The following VPS45 variants were observed in gnomAD, a reference collection of about 807,000 sequenced individuals.
VPS45 encodes vacuolar protein sorting-associated protein 45.
A neutral mutation model predicts 75.9 loss-of-function variants in VPS45; 35 were observed. The ratio of observed to expected loss-of-function variants is 0.46; its 90% CI spans 0.35 to 0.61. VPS45 has a LOEUF of 0.61. Among genes scored for constraint, VPS45 ranks in the 20% least tolerant of loss-of-function variants. The pLI, the probability that VPS45 is intolerant of heterozygous loss-of-function variation, is 0.00. For synonymous variants in VPS45, 220 were observed against 238.2 expected (o/e 0.92, Z 0.70); for missense variants, 559 against 685.9 (o/e 0.81, Z 2.07).
chr1:150,069,012 C>G (rs1553796444), intron 2 of VPS45, among the ~76,000 whole-genome samples: 1 of 152,180 alleles, frequency 6.6e-6, no homozygotes, highest in Non-Finnish European at 1.5e-5. Flanking sequence ...ATGAACTACT[C>G]TTAACGGAGA....
At chr1:150,090,536 A>G (rs2101561976) in intron 10 of VPS45, among the ~76,000 whole-genome samples, 1 of 151,916 alleles carries the variant, frequency 6.6e-6, no homozygotes, top group East Asian at 1.9e-4. Context: ...ACATGACTAT[A>G]GAAAGAAAGA....
chr1:150,105,005 C>A (rs1427080088), intron 13 of VPS45, among the ~76,000 whole-genome samples: 1 of 152,212 alleles, frequency 6.6e-6, no homozygotes, highest in Non-Finnish European at 1.5e-5. Context: ...GTTCTTTGAG[C>A]TAGTTCCATA....
chr1:150,135,080 T>G (rs1659006505), intron 14 of VPS45, among the ~76,000 whole-genome samples: 1 of 152,126 alleles, frequency 6.6e-6, no homozygotes, highest in Non-Finnish European at 1.5e-5. Flanking sequence ...TCTCAAAGAC[T>G]AATGGCACAA....
At chr1:150,102,794 CACTT>C (rs1657114306) in intron 13 of VPS45, among the ~76,000 whole-genome samples, 2 of 152,142 alleles carry the variant, frequency 1.3e-5, no homozygotes, top group African/African-American at 4.8e-5. Flanking sequence ...TGCATGTTCT[CACTT>C]ACAAGTTGGA....
rs1553802110 is a variant in VPS45, at chr1:150,092,343, A to G, written c.1305A>G (p.Arg435=). The change falls in exon 12 of 15, where the codon AGA becomes AGG. Residue 435 remains arginine, a synonymous_variant. Transcript: ENST00000644510. ...AVVEYGGKRV[R]GSDLFSPKDA... ...TTGAATATGGTGGTAAACGAGTCAG[A>G]GGAAGTGACCTCTTCAGCCCCAAAG... is the stretch of plus-strand genomic sequence containing the variant. 6.2e-7 allele frequency: 1 copy of G among 1,614,150 alleles called. No homozygotes were observed. Among genetic ancestry groups the G allele is most frequent in the East Asian group, 2.2e-5 (1 of 44,870 alleles).
At position 150,068,652 on chromosome 1, in the gene VPS45, A is replaced by G. The variant is rs1553796329; in HGVS notation, c.116A>G (p.Tyr39Cys). 3.1e-6 allele frequency: 5 copies of G among 1,609,510 alleles called. No homozygotes were observed. The highest frequency in any genetic ancestry group is 4.2e-6 in the Non-Finnish European group (5 of 1,177,938). Residue 39 changes from tyrosine (Y) to cysteine (C), a missense_variant, in exon 2 of 15, where the codon TAC (tyrosine) becomes TGC (cysteine). Physicochemically the swap from Tyr to Cys is radical, Grantham distance 194. Transcript: ENST00000644510. ...KETTGIVSMV[Y>C]TQSEILQKEV... is the part of the protein sequence containing the mutation. ...CAGACTGGCATAGTGAGTATGGTAT[A>G]CACACAATCGGAGATTCTACAGAAG...
At chr1:150,144,156 C>T (rs1559952856) in intron 14 of VPS45, among the ~76,000 whole-genome samples, 1 of 151,454 alleles carries the variant, frequency 6.6e-6, no homozygotes, top group African/African-American at 2.4e-5. Context: ...GCTCTGTTGC[C>T]CAGGTTGGTC....
intron 14 of VPS45, among the ~76,000 whole-genome samples, chr1:150,134,169 C>T (rs954459999): frequency 6.6e-6 from 1 of 152,108 alleles, no homozygotes; most frequent in Non-Finnish European, 1.5e-5. Flanking sequence ...TCAGTGTATT[C>T]CAAGACTTAT....
intron 4 of VPS45, chr1:150,076,712 T>G (rs1655405333): frequency 6.6e-6 from 4 of 609,208 alleles, no homozygotes; most frequent in Non-Finnish European, 1.1e-5. Context: ...TTTGTTAGAT[T>G]TATTATTATT....
At chr1:150,082,913 G>T in intron 10 of VPS45, 30 bp downstream of exon 10, 1 of 1,601,060 alleles carries the variant, frequency 6.2e-7, no homozygotes, top group Non-Finnish European at 8.5e-7. Flanking sequence ...CACCTACTAT[G>T]TGTAAGGCAC....
At position 150,091,936 on chromosome 1, in the gene VPS45, G is replaced by C; in HGVS notation, c.1105-1G>C. On this transcript the variant is annotated splice_acceptor_variant, in intron 10 of 14. Transcript: ENST00000644510. LOFTEE classifies it high-confidence loss of function. Reference sequence around the variant, plus strand: ...TAAATATAAGTTCTATCTTTCTTCAGAATATAAAAAGGCTTCTGCAGAACC... The same window carrying C: ...TAAATATAAGTTCTATCTTTCTTCACAATATAAAAAGGCTTCTGCAGAACC... 6.2e-7 allele frequency: 1 copy of C among 1,611,824 alleles called. No homozygotes were observed. Among genetic ancestry groups the C allele is most frequent in the Non-Finnish European group, 8.5e-7 (1 of 1,179,326 alleles).
chr1:150,119,939 T>A (rs1363382130), intron 14 of VPS45, among the ~76,000 whole-genome samples: 5 of 152,002 alleles, frequency 3.3e-5, no homozygotes, highest in African/African-American at 1.2e-4. Context: ...AGAAACCCCG[T>A]CTCTACTAAA....
chr1:150,092,504 TTG>T, intron 12 of VPS45, 95 bp downstream of exon 12: 1 of 1,032,946 alleles, frequency 9.7e-7, no homozygotes, highest in Non-Finnish European at 1.4e-6. Flanking sequence ...ATCTTGAAGA[TTG>T]CTGCTAATTT....
At chr1:150,118,052 G>A (rs587729285) in intron 14 of VPS45, among the ~76,000 whole-genome samples, 54 of 152,000 alleles carry the variant, frequency 3.6e-4, no homozygotes, top group South Asian at 1.2e-3. Flanking sequence ...GAAGGCCAAG[G>A]CAGGCATATC....
chr1:150,070,259 G>C (rs1371334945), intron 2 of VPS45, among the ~76,000 whole-genome samples: 2 of 152,050 alleles, frequency 1.3e-5, no homozygotes, highest in Non-Finnish European at 2.9e-5. Flanking sequence ...TATGATATCT[G>C]TTTTTTCTCA....
intron 1 of VPS45, chr1:150,068,250 C>T (rs781804020): frequency 1.8e-4 from 77 of 419,158 alleles, no homozygotes; most frequent in Admixed American, 2.1e-4. Context: ...TTGGGATGGG[C>T]CTACTGTTTC....
At chr1:150,136,797 C>T (rs1471840015) in intron 14 of VPS45, among the ~76,000 whole-genome samples, 4 of 148,064 alleles carry the variant, frequency 2.7e-5, no homozygotes, top group African/African-American at 9.8e-5. Context: ...AAAAGGTGTA[C>T]CACATTTGAG....
At chr1:150,117,026 C>G (rs1657971932) in intron 14 of VPS45, among the ~76,000 whole-genome samples, 1 of 151,892 alleles carries the variant, frequency 6.6e-6, no homozygotes, top group Non-Finnish European at 1.5e-5. Flanking sequence ...CACAGTGAAA[C>G]CCCATCTCTA....
In VPS45 at chr1:150,081,435, G is replaced by T. The variant is rs1655704011; in HGVS notation, c.781G>T (p.Glu261Ter). Residue 261 changes from glutamate (E) to a stop codon, truncating the protein, a stop_gained, in exon 8 of 15, where the codon GAA becomes TAA. Transcript: ENST00000644510. LOFTEE classifies it high-confidence loss of function. ...GCCGGGAATCAGTAAAGACTTAAGA[G>T]AAGTGGTCCTATCTGCTGAAAATGA... Reference protein sequence around the residue: ...RVPGISKDLREVVLSAENDEF... With the variant: ...RVPGISKDLR 6.2e-7 allele frequency: 1 copy of T among 1,601,466 alleles called. No individual in the cohort carries two copies. The highest frequency in any genetic ancestry group is 1.1e-5 in the South Asian group (1 of 88,046).
Sources: gnomAD v4.1 joint callset for allele counts (sites outside exome capture counted in the v4.1 genomes callset) on GRCh38, gnomAD v4.1.1 for gene constraint, MANE v1.5 for transcripts, NCBI Gene and HGNC (gene_info 2026-07-23, HGNC 2026-07-21) for gene names.